Variants in HDLBP observed in about 807,000 individuals in gnomAD.
HDLBP encodes high density lipoprotein binding protein.
A neutral mutation model predicts 137.3 loss-of-function variants in HDLBP; 30 were observed. That is an observed-to-expected ratio of 0.22 (90% CI 0.16 to 0.30). The LOEUF (loss-of-function observed/expected upper bound fraction) is 0.30, where lower values mean the gene tolerates loss of function less well. Ranked by LOEUF, HDLBP falls within the 10% of genes least tolerant of loss-of-function variation. The pLI is 1.00. For synonymous variants in HDLBP, 606 were observed against 596.0 expected (o/e 1.02, Z -0.24); for missense variants, 1,119 against 1,667.3 (o/e 0.67, Z 5.73).
intron 10 of HDLBP, 131 bp from the exon 11 acceptor site, chr2:241,253,166 G>GC: frequency 1.5e-6 from 1 of 682,506 alleles, no homozygotes; most frequent in South Asian, 1.7e-5. Flanking sequence ...GACTGCCCCT[G>GC]CATCTCCCCT....
chr2:241,268,620 CT>C, intron 1 of HDLBP, 79 bp from the exon 2 acceptor site: 1 of 423,264 alleles, frequency 2.4e-6, no homozygotes, highest in South Asian at 9.9e-5. Flanking sequence ...CAACTCAGAT[CT>C]TTTTACCTCA....
chr2:241,272,714 CGTCCGCCCGCCCGCCCA>C lies in HDLBP; in HGVS notation c.-102-4190_-102-4174del, dbSNP rs1226649138. ...CCCCCGCCCGGCAGCCCGCCCGCCC[CGTCCGCCCGCCCGCCCA>C]GGCCTCCCAGCCCCGTGTTGCGCGC... is the stretch of plus-strand genomic sequence containing the variant. On this transcript the variant is annotated intron_variant, in intron 1 of 27. Transcript: ENST00000310931. This position sits in a 1 kb window ranked among gnomAD's most constrained non-coding sequence, Gnocchi z 5.6. 4.0e-5 allele frequency: 24 copies of C among 593,240 alleles called. No individual in the cohort carries two copies. The highest frequency in any genetic ancestry group is 8.2e-4 in the Middle Eastern group (1 of 1,226). 36.7% of individuals were successfully genotyped at this position (593,240 alleles called of 1,614,324 possible). A position where few individuals can be genotyped will look rare whatever the true frequency, so the allele number is the denominator to read the frequency against.
In HDLBP at chr2:241,229,795, C is replaced by T. The variant is rs771543696; in HGVS notation, c.3720+38G>A. On this transcript the variant is annotated intron_variant, in intron 27 of 27. Coordinates refer to ENST00000310931, the MANE Select transcript of HDLBP (RefSeq NM_005336.6). ...CACCAAGCCCGCCTGCCCGCCCACC[C>T]TCCCTGGGACCCAGGAGGGCAGAAG... 1.3e-6 allele frequency: 2 copies of T among 1,561,758 alleles called. No homozygotes were observed. Among genetic ancestry groups the T allele is most frequent in the Non-Finnish European group, 8.7e-7 (1 of 1,151,730 alleles).
In HDLBP at chr2:241,242,616, G is replaced by A. The variant is rs1400197933; in HGVS notation, c.2013C>T (p.Thr671=). Residue 671 remains threonine, a synonymous_variant, in exon 17 of 28, where the codon ACC becomes ACT. Transcript: ENST00000310931. ...PAKLHNSLIG[T]KGRLIRSIME... The stretch of plus-strand genomic sequence containing the variant: ...TGATGGAGCGGATCAGACGGCCCTT[G>A]GTGCCAATGAGGGAGTTGTGCAGCT... The A allele has an allele frequency of 1.2e-6, 2 of 1,614,100 alleles. No homozygotes were observed. Among genetic ancestry groups the A allele is most frequent in the African/African-American group, 2.7e-5 (2 of 74,946 alleles).
chr2:241,256,454 C>T, intron 6 of HDLBP, 55 bp from the exon 7 acceptor site: 2 of 1,529,128 alleles, frequency 1.3e-6, no homozygotes, highest in Admixed American at 1.8e-5. Context: ...AAACTGGGGA[C>T]AGACAGGGCT....
chr2:241,236,602 C>T lies in HDLBP; in HGVS notation c.2904+13G>A, dbSNP rs1559481405. ...CCTTGGCGGGGGGTGGAGGGGGGCA[C>T]ATGGACACATACCTCCAGAGCTTCC... On this transcript the variant is annotated intron_variant, in intron 21 of 27. Transcript: ENST00000310931. 6.2e-6 allele frequency: 10 copies of T among 1,613,330 alleles called. No individual in the cohort carries two copies. Among genetic ancestry groups the T allele is most frequent in the Non-Finnish European group, 8.5e-6 (10 of 1,179,552 alleles).
chr2:241,272,208 G>A lies in HDLBP; in HGVS notation c.-102-3667C>T, dbSNP rs1033106478. Reference sequence around the variant, plus strand: ...CGCGCGGCAGGTGGAGGTGCTGCGGGGGCCCCGCCGCCCGGTCTGCGCCCA... The same window carrying A: ...CGCGCGGCAGGTGGAGGTGCTGCGGAGGCCCCGCCGCCCGGTCTGCGCCCA... On this transcript the variant is annotated intron_variant, in intron 1 of 27. Coordinates refer to ENST00000310931, the MANE Select transcript of HDLBP (RefSeq NM_005336.6). This position sits in a 1 kb window ranked among gnomAD's most constrained non-coding sequence, Gnocchi z 5.6. The A allele has an allele frequency of 9.2e-5, 91 of 983,920 alleles. No homozygotes were observed. Among genetic ancestry groups the A allele is most frequent in the Non-Finnish European group, 1.0e-4 (86 of 828,732 alleles). 60.9% of individuals were successfully genotyped at this position (983,920 alleles called of 1,614,324 possible).
intron 3 of HDLBP, among the ~76,000 whole-genome samples, chr2:241,266,058 C>G (rs754941150): frequency 2.0e-5 from 3 of 152,168 alleles, no homozygotes; most frequent in Non-Finnish European, 4.4e-5. Flanking sequence ...TTTCGAACAA[C>G]CTGGAGTAGA....
intron 21 of HDLBP, among the ~76,000 whole-genome samples, chr2:241,235,870 G>T (rs2070350230): frequency 6.6e-6 from 1 of 152,150 alleles, no homozygotes; most frequent in Admixed American, 6.5e-5. Flanking sequence ...AGGAGGAGAG[G>T]CCCTGACTCC....
Position 241,233,903 on chromosome 2 carries a change from C to T in HDLBP, c.3205G>A (p.Gly1069Arg), listed in dbSNP as rs773848988. ...TGGGTAATTACTGCCCCCTTTCTCCCGATAATCTTGGGATGGTATTTGGGG... is the reference window on the plus strand; with the variant it reads ...TGGGTAATTACTGCCCCCTTTCTCCTGATAATCTTGGGATGGTATTTGGGG... ...VDPKYHPKII[G>R]RKGAVITQIR... Residue 1069 changes from glycine (G) to arginine (R), a missense_variant, in exon 24 of 28, where the codon GGG (glycine) becomes AGG (arginine). By Grantham distance (125) the Gly-to-Arg change is moderately radical. Transcript: ENST00000310931. The surrounding 1 kb of genome is among the most constrained non-coding windows in gnomAD (Gnocchi z 4.3). The T allele has an allele frequency of 1.9e-6, 3 of 1,614,066 alleles. No individual in the cohort carries two copies. The highest frequency in any genetic ancestry group is 1.1e-5 in the South Asian group (1 of 91,068).
At chr2:241,270,848 C>T in intron 1 of HDLBP, 10 of 432,972 alleles carry the variant, frequency 2.3e-5, no homozygotes, top group Non-Finnish European at 3.1e-5. Context: ...ATACCTTGGG[C>T]AGGCCTAGAT....
rs62186378 is a variant in HDLBP at position 241,272,139 on chromosome 2, G to C, written c.-102-3598C>G. 2 of 980,678 alleles carry C rather than the reference G, an allele frequency of 2.0e-6. No homozygotes were observed. The highest frequency in any genetic ancestry group is 6.2e-5 in the Admixed American group (1 of 16,260). 60.7% of individuals were successfully genotyped at this position (980,678 alleles called of 1,614,324 possible). ...CCAAGTTGCACTCCAGGCCCAAGAA[G>C]AGCAGCTTTCCCCACCCCCGAACAC... On this transcript the variant is annotated intron_variant, in intron 1 of 27. Transcript: ENST00000310931. This position sits in a 1 kb window ranked among gnomAD's most constrained non-coding sequence, Gnocchi z 5.6.
At chr2:241,282,217 G>C (rs765311932) in intron 1 of HDLBP, among the ~76,000 whole-genome samples, 49 of 152,244 alleles carry the variant, frequency 3.2e-4, no homozygotes, top group African/African-American at 1.2e-3. Flanking sequence ...ATGGGCAAAA[G>C]ATACAAGCAG....
At position 241,227,390 on chromosome 2, in the gene HDLBP, T is replaced by C. The variant is rs1308558713; in HGVS notation, c.*2211A>G. 6.6e-6 allele frequency: 1 copy of C among 152,528 alleles called. No homozygotes were observed. Among genetic ancestry groups the C allele is most frequent in the Non-Finnish European group, 1.5e-5 (1 of 68,044 alleles). 9.4% of individuals were successfully genotyped at this position (152,528 alleles called of 1,614,324 possible). A position where few individuals can be genotyped will look rare whatever the true frequency, so the allele number is the denominator to read the frequency against. On this transcript the variant is annotated 3_prime_UTR_variant, in exon 28 of 28. Transcript: ENST00000310931. Reference sequence around the variant, plus strand: ...GCATATAATCTCCAAATTCCAAAGTTAAGGCCAAGGGATGGATTGTAGCTA... The same window carrying C: ...GCATATAATCTCCAAATTCCAAAGTCAAGGCCAAGGGATGGATTGTAGCTA...
At position 241,249,989 on chromosome 2, in the gene HDLBP, C is replaced by T. The variant is rs773410757; in HGVS notation, c.1373-9G>A. 2 of 1,595,996 alleles carry T rather than the reference C, an allele frequency of 1.3e-6. No homozygotes were observed. The highest frequency in any genetic ancestry group is 1.7e-6 in the Non-Finnish European group (2 of 1,172,850). ...GTCTTTGATTCTGTTTACTTAGGAA[C>T]ACAAAAGGAAACACATTTAGGACAC... On this transcript the variant is annotated splice_polypyrimidine_tract_variant and intron_variant, in intron 11 of 27. Transcript: ENST00000310931.
chr2:241,241,516 G>A (rs534229759), intron 17 of HDLBP, among the ~76,000 whole-genome samples: 26 of 134,704 alleles, frequency 1.9e-4, no homozygotes, highest in East Asian at 1.9e-3. Context: ...GCAGTGAGGC[G>A]AGATTGCGCC....
Position 241,229,563 on chromosome 2 carries a change from G to A in HDLBP, c.*38C>T. The A allele has an allele frequency of 6.7e-7, 1 of 1,503,016 alleles. No individual in the cohort carries two copies. Among genetic ancestry groups the A allele is most frequent in the Non-Finnish European group, 9.2e-7 (1 of 1,081,482 alleles). The allele number at this position is 1,503,016 out of a possible 1,614,324, so 93.1% of individuals were successfully genotyped here. ...ACAAACCATTGTGTGGTTGGGTTTG[G>A]GTCAGCAGGCTGGAGAGGGTTCTGT... is the stretch of plus-strand genomic sequence containing the variant. On this transcript the variant is annotated 3_prime_UTR_variant, in exon 28 of 28. Transcript: ENST00000310931.
At chr2:241,264,008 C>A (rs2073424713) in intron 4 of HDLBP, among the ~76,000 whole-genome samples, 1 of 150,248 alleles carries the variant, frequency 6.7e-6, no homozygotes. Flanking sequence ...TTCAGAAACT[C>A]TTCCATCAGA....
chr2:241,267,235 A>C (rs1412910549), intron 2 of HDLBP, among the ~76,000 whole-genome samples: 2 of 150,188 alleles, frequency 1.3e-5, no homozygotes, highest in Admixed American at 6.6e-5. Context: ...CAAAACAAAC[A>C]AAAAAAAACC....
Sources: allele counts gnomAD v4.1 joint callset (sites outside exome capture counted in the v4.1 genomes callset), GRCh38; gene constraint gnomAD v4.1.1; non-coding constraint Gnocchi (gnomAD v3.1); transcripts MANE v1.5; gene names NCBI Gene and HGNC (gene_info 2026-07-23, HGNC 2026-07-21).